PDE4D: variants seen among roughly 807,000 people sequenced by gnomAD.
PDE4D encodes phosphodiesterase 4D, also known as 3',5'-cyclic-AMP phosphodiesterase 4D.
PDE4D carries 24 observed loss-of-function variants against 87.4 expected under a neutral mutation model. The observed-to-expected ratio is 0.27, with a 90% CI of 0.20 to 0.39. PDE4D has a LOEUF of 0.39. Among genes scored for constraint, PDE4D ranks in the 10% least tolerant of loss-of-function variants. PDE4D has a pLI of 1.00. For missense variants in PDE4D, 714 were observed against 1,041.0 expected, an observed-to-expected ratio of 0.69 and a Z score of 4.32; for synonymous variants, 384 against 383.2, an observed-to-expected ratio of 1.00 and a Z score of -0.02.
chr5:59,311,488 A>AGG (rs1483636011), intron 1 of PDE4D, among the ~76,000 whole-genome samples: 6 of 123,202 alleles, frequency 4.9e-5, no homozygotes, highest in Non-Finnish European at 9.6e-5. Context: ...CAACAGAGAG[A>AGG]GACTCTGTCT....
intron 2 of PDE4D, among the ~76,000 whole-genome samples, chr5:60,108,385 C>G (rs1777280745): frequency 6.6e-6 from 1 of 152,126 alleles, no homozygotes; most frequent in African/African-American, 2.4e-5. Context: ...GAAGAACATT[C>G]CATGTTCATG....
At chr5:59,694,571 T>A (rs1260119255) in intron 1 of PDE4D, among the ~76,000 whole-genome samples, 4 of 152,182 alleles carry the variant, frequency 2.6e-5, no homozygotes, top group Non-Finnish European at 5.9e-5. Context: ...AGCTGTTGTG[T>A]GGGATTACAG....
At chr5:60,247,792 T>C (rs1040612350) in intron 1 of PDE4D, among the ~76,000 whole-genome samples, 3 of 151,952 alleles carry the variant, frequency 2.0e-5, no homozygotes, top group Admixed American at 6.6e-5. Flanking sequence ...ATATAAGTGT[T>C]CACTGCTTAC....
intron 5 of PDE4D, among the ~76,000 whole-genome samples, chr5:59,065,067 TACACACACAC>T (rs10563874): frequency 0.14 from 12,911 of 89,242 alleles, 948 homozygotes; most frequent in Middle Eastern, 0.18. Context: ...GATATATATA[TACACACACAC>T]ACACACACAC....
At chr5:59,239,561 G>T (rs1757220703) in intron 1 of PDE4D, among the ~76,000 whole-genome samples, 1 of 152,114 alleles carries the variant, frequency 6.6e-6, no homozygotes, top group African/African-American at 2.4e-5. Flanking sequence ...TGTCTCATTT[G>T]ATTTTTATTA....
chr5:59,095,113 C>T (rs1769455031), intron 5 of PDE4D, among the ~76,000 whole-genome samples: 1 of 151,874 alleles, frequency 6.6e-6, no homozygotes, highest in African/African-American at 2.4e-5. Flanking sequence ...CAGTTTTGCT[C>T]AGACTTTGTA....
intron 2 of PDE4D, among the ~76,000 whole-genome samples, chr5:60,018,931 A>G (rs1457411366): frequency 6.6e-6 from 1 of 152,196 alleles, no homozygotes. Context: ...TAATCAAGAC[A>G]GAAAATTAAC....
chr5:60,299,948 G>T (rs1583343633), intron 1 of PDE4D, among the ~76,000 whole-genome samples: 1 of 152,234 alleles, frequency 6.6e-6, no homozygotes, highest in South Asian at 2.1e-4. Flanking sequence ...TGGTATTTCT[G>T]CCTCAAGGTC....
chr5:59,839,404 TTTTG>T (rs1317264920), intron 1 of PDE4D, among the ~76,000 whole-genome samples: 3 of 152,060 alleles, frequency 2.0e-5, no homozygotes, highest in East Asian at 2.0e-4. Context: ...TTTTGGGGTT[TTTTG>T]TTTGTTTGTT....
chr5:59,565,916 G>C (rs1820805896), intron 1 of PDE4D, among the ~76,000 whole-genome samples: 1 of 152,156 alleles, frequency 6.6e-6, no homozygotes, highest in South Asian at 2.1e-4. Flanking sequence ...GAAGAGAGGA[G>C]GAGAGGGGAA....
chr5:60,322,411 CACACAA>C (rs1386198324), intron 1 of PDE4D, among the ~76,000 whole-genome samples: 34 of 134,516 alleles, frequency 2.5e-4, no homozygotes, highest in African/African-American at 7.8e-4. Flanking sequence ...CACACACACA[CACACAA>C]AACCCTAACA....
At chr5:59,284,417 G>C (rs567980173) in intron 1 of PDE4D, among the ~76,000 whole-genome samples, 81 of 152,248 alleles carry the variant, frequency 5.3e-4, no homozygotes, top group African/African-American at 1.7e-3. Context: ...AGGGAATGAT[G>C]ATGAGCATTT....
intron 1 of PDE4D, among the ~76,000 whole-genome samples, chr5:59,346,514 C>T (rs1249718674): frequency 1.3e-5 from 2 of 151,970 alleles, no homozygotes; most frequent in African/African-American, 4.8e-5. Context: ...ATTTGTTTCC[C>T]CCACCGATAA....
rs545016835 is a variant in PDE4D, at chr5:59,217,014, G to A, written c.456-1046C>T. On this transcript the variant is annotated intron_variant, in intron 1 of 14. Coordinates refer to ENST00000340635, the MANE Select transcript of PDE4D (RefSeq NM_001104631.2). ...GGCACATTGAAAACTGTGCCCAAGTGTCTTGAGTAAATGATTAAATGAATA... is the reference window on the plus strand; with the variant it reads ...GGCACATTGAAAACTGTGCCCAAGTATCTTGAGTAAATGATTAAATGAATA... 1.6e-4 allele frequency among the ~76,000 whole-genome samples: 24 copies of A among 152,312 alleles called. No individual in the cohort carries two copies. In the South Asian group the frequency reaches 4.6e-3, roughly 29 times the overall value.
intron 2 of PDE4D, among the ~76,000 whole-genome samples, chr5:60,151,024 T>C (rs1781457272): frequency 6.6e-6 from 1 of 152,132 alleles, no homozygotes; most frequent in Non-Finnish European, 1.5e-5. Context: ...TAACTAATCT[T>C]TTACACAAGA....
intron 1 of PDE4D, chr5:60,460,440 G>A (rs1258943555): frequency 2.1e-6 from 3 of 1,449,538 alleles, no homozygotes; most frequent in Non-Finnish European, 2.9e-6. Context: ...GTGGATGCTT[G>A]ACAAATGTTG....
At chr5:60,118,561 T>TTGTG (rs34503506) in intron 2 of PDE4D, among the ~76,000 whole-genome samples, 6,786 of 143,824 alleles carry the variant, frequency 0.047, 228 homozygotes, top group African/African-American at 0.1. Flanking sequence ...TGGATGTAGG[T>TTGTG]TGTGTGTGTG....
chr5:59,711,320 C>T lies in PDE4D; in HGVS notation c.455+181848G>A, dbSNP rs578156267. ...TTGCCCTTAGTATAATCCCTTAAGT[C>T]TCTTTCCACTGCAGTATTTATCTTC... is the stretch of plus-strand genomic sequence containing the variant. On this transcript the variant is annotated intron_variant, in intron 1 of 14. Transcript: ENST00000340635. Among the ~76,000 whole-genome samples, 277 of 152,076 alleles carry T rather than the reference C, an allele frequency of 1.8e-3. 2 individuals carry two copies. Among genetic ancestry groups the T allele is most frequent in the African/African-American group, 6.5e-3 (270 of 41,500 alleles).
At chr5:59,798,254 CTG>C (rs72009917) in intron 1 of PDE4D, among the ~76,000 whole-genome samples, 9,767 of 143,762 alleles carry the variant, frequency 0.068, 464 homozygotes, top group East Asian at 0.25. Context: ...ATATAAATGC[CTG>C]TGTGTGTGTG....
Sources: gnomAD v4.1 joint callset for allele counts (sites outside exome capture counted in the v4.1 genomes callset) on GRCh38, gnomAD v4.1.1 for gene constraint, MANE v1.5 for transcripts, NCBI Gene and HGNC (gene_info 2026-07-23, HGNC 2026-07-21) for gene names.